Variants in CDON observed in about 807,000 individuals in gnomAD.
The protein encoded by CDON is cell adhesion molecule-related/down-regulated by oncogenes.
A neutral mutation model predicts 120.9 loss-of-function variants in CDON; 73 were observed. The observed-to-expected ratio is 0.60, with a 90% confidence interval of 0.50 to 0.73. The LOEUF is 0.73. Among genes scored for constraint, CDON ranks in the 30% least tolerant of loss-of-function variants. CDON has a pLI of 0.00. For missense variants in CDON, 1,470 were observed against 1,587.3 expected (o/e 0.93, Z 1.26); for synonymous variants, 566 against 573.5 (o/e 0.99, Z 0.19).
intron 18 of CDON, among the ~76,000 whole-genome samples, chr11:125,974,150 C>T (rs1438711306): frequency 6.6e-6 from 1 of 152,068 alleles, no homozygotes; most frequent in Non-Finnish European, 1.5e-5. Context: ...CCCGCCATAG[C>T]CTCCCAAAGT....
At position 126,010,444 on chromosome 11, in the gene CDON, G is replaced by T. The variant is rs777704059; in HGVS notation, c.1449C>A (p.Ser483Arg). The T allele has an allele frequency of 1.2e-6, 2 of 1,614,016 alleles. No individual in the cohort carries two copies. Among genetic ancestry groups the T allele is most frequent in the South Asian group, 1.1e-5 (1 of 91,082 alleles). Reference protein sequence around the residue: ...VYFVLSQAGASSLHIQAVTQE... With the variant: ...VYFVLSQAGARSLHIQAVTQE... Reference sequence around the variant, plus strand: ...GAGTCACAGCCTGAATATGGAGAGAGCTTGCACCAGCTTGGGACAGGACGA... The same window carrying T: ...GAGTCACAGCCTGAATATGGAGAGATCTTGCACCAGCTTGGGACAGGACGA... The change falls in exon 8 of 20, where the codon AGC becomes AGA. Residue 483 changes from serine to arginine, a missense_variant. Transcript: ENST00000531738.
chr11:126,023,360 G>A (rs747271484), intron 2 of CDON, 41 bp downstream of exon 2: 1 of 1,185,044 alleles, frequency 8.4e-7, no homozygotes, highest in Non-Finnish European at 1.3e-6. Flanking sequence ...GGATTAAGAT[G>A]AGTAAAGGCC....
intron 18 of CDON, among the ~76,000 whole-genome samples, chr11:125,973,304 G>A (rs1026968200): frequency 5.3e-5 from 8 of 152,168 alleles, no homozygotes; most frequent in South Asian, 4.2e-4. Flanking sequence ...AGGCCAAGAC[G>A]GGTGGATCAT....
intron 1 of CDON, among the ~76,000 whole-genome samples, chr11:126,032,825 TAGGG>T (rs766672945): frequency 6.6e-6 from 1 of 152,092 alleles, no homozygotes; most frequent in Non-Finnish European, 1.5e-5. Context: ...CTGGGCAACA[TAGGG>T]AGATCCCATC....
intron 6 of CDON, among the ~76,000 whole-genome samples, chr11:126,016,640 C>A (rs886434266): frequency 6.6e-6 from 1 of 152,004 alleles, no homozygotes; most frequent in African/African-American, 2.4e-5. Flanking sequence ...GCCATATTGC[C>A]CAAGATAGTG....
At chr11:126,021,573 G>A in intron 2 of CDON, 53 bp from the exon 3 acceptor site, 1 of 1,440,484 alleles carries the variant, frequency 6.9e-7, no homozygotes, top group East Asian at 2.3e-5. Context: ...AAAGAGGAGA[G>A]AGAAAGAAGA....
Position 125,960,573 on chromosome 11 carries a change from CG to C in CDON, c.*368del. ...AAACCCAGCTGGTGGCAACCTTCAACGGGCCCCTGCATTCCCTCCTAGCCGA... is the reference window on the plus strand; with the variant it reads ...AAACCCAGCTGGTGGCAACCTTCAACGGCCCCTGCATTCCCTCCTAGCCGA... On this transcript the variant is annotated 3_prime_UTR_variant, in exon 20 of 20. Coordinates refer to ENST00000531738, the MANE Select transcript of CDON (RefSeq NM_001378964.1). 4.1e-6 allele frequency: 1 copy of C among 244,874 alleles called. No homozygotes were observed. Among genetic ancestry groups the C allele is most frequent in the Non-Finnish European group, 7.9e-6 (1 of 125,944 alleles). The allele number at this position is 244,874 out of a possible 1,614,324, so 15.2% of individuals were successfully genotyped here. A position where few individuals can be genotyped will look rare whatever the true frequency, so the allele number is the denominator to read the frequency against.
intron 14 of CDON, among the ~76,000 whole-genome samples, chr11:125,993,575 A>G (rs1946695088): frequency 6.6e-6 from 1 of 152,204 alleles, no homozygotes; most frequent in African/African-American, 2.4e-5. Flanking sequence ...TTGACTGTCA[A>G]ACATTTTGAA....
At chr11:126,042,049 T>C (rs2134841479) in intron 1 of CDON, among the ~76,000 whole-genome samples, 1 of 152,258 alleles carries the variant, frequency 6.6e-6, no homozygotes, top group East Asian at 1.9e-4. Context: ...CACGCCCAGC[T>C]AATTTTGTAT....
intron 9 of CDON, chr11:126,004,468 G>A (rs1295254974): frequency 4.3e-5 from 9 of 210,992 alleles, no homozygotes; most frequent in South Asian, 7.2e-5. Flanking sequence ...ATAGATACAT[G>A]GTAAATTAAG....
intron 18 of CDON, among the ~76,000 whole-genome samples, chr11:125,967,254 T>A (rs1301151964): frequency 6.6e-6 from 1 of 152,222 alleles, no homozygotes; most frequent in African/African-American, 2.4e-5. Flanking sequence ...AAGTCCTAAT[T>A]CACATTAAAC....
rs1304141422 is a variant in CDON, at chr11:125,959,444, T to C, written c.*1498A>G. 6.6e-6 allele frequency: 1 copy of C among 152,182 alleles called. No homozygotes were observed. The highest frequency in any genetic ancestry group is 1.5e-5 in the Non-Finnish European group (1 of 68,032). 9.4% of individuals were successfully genotyped at this position (152,182 alleles called of 1,614,324 possible). A position where few individuals can be genotyped will look rare whatever the true frequency, so the allele number is the denominator to read the frequency against. ...CACTTACATAATTATTGTTTTTTAA[T>C]GTGAAGAGCCTTCCAAAGGCAGCTG... On this transcript the variant is annotated 3_prime_UTR_variant, in exon 20 of 20. Transcript: ENST00000531738.
At position 125,990,919 on chromosome 11, in the gene CDON, AC is replaced by A. The variant is rs1333078103; in HGVS notation, c.2651-1161del. ...CGCCCCATTTATAAATGTAAAAAGGACCCCCCAAAAGATGTTGACTCCAAAA... is the reference window on the plus strand; with the variant it reads ...CGCCCCATTTATAAATGTAAAAAGGACCCCCAAAAGATGTTGACTCCAAAA... On this transcript the variant is annotated intron_variant, in intron 14 of 19. Coordinates refer to ENST00000531738, the MANE Select transcript of CDON (RefSeq NM_001378964.1). 3.3e-5 allele frequency among the ~76,000 whole-genome samples: 5 copies of A among 152,090 alleles called. No individual in the cohort carries two copies. In the East Asian group the frequency reaches 9.7e-4, roughly 29 times the overall value.
chr11:126,046,484 G>A (rs980427613), intron 1 of CDON, among the ~76,000 whole-genome samples: 10 of 149,016 alleles, frequency 6.7e-5, no homozygotes, highest in Non-Finnish European at 1.3e-4. Context: ...AAAAGAATGA[G>A]ATTCTCGAGA....
chr11:126,018,573 T>A lies in CDON; in HGVS notation c.497-100A>T, dbSNP rs1947538809. 3.8e-6 allele frequency: 4 copies of A among 1,052,230 alleles called. No homozygotes were observed. In the South Asian group the frequency reaches 3.9e-5, roughly 10 times the overall value. The allele number at this position is 1,052,230 out of a possible 1,614,324, so 65.2% of individuals were successfully genotyped here. On this transcript the variant is annotated intron_variant, in intron 4 of 19. Coordinates refer to ENST00000531738, the MANE Select transcript of CDON (RefSeq NM_001378964.1). ...GCTGATCATTATGCTCTATTCCATCTTATTTTATTTTAGAGATGGGGGTCT... is the reference window on the plus strand; with the variant it reads ...GCTGATCATTATGCTCTATTCCATCATATTTTATTTTAGAGATGGGGGTCT...
At chr11:126,043,885 G>A (rs1380079867) in intron 1 of CDON, among the ~76,000 whole-genome samples, 4 of 152,212 alleles carry the variant, frequency 2.6e-5, no homozygotes, top group Non-Finnish European at 5.9e-5. Flanking sequence ...AGGTCACTGT[G>A]GTTATGCATT....
intron 16 of CDON, among the ~76,000 whole-genome samples, chr11:125,982,346 A>G (rs1946337010): frequency 2.0e-5 from 3 of 152,226 alleles, no homozygotes; most frequent in Non-Finnish European, 4.4e-5. Flanking sequence ...TCTACCAGAT[A>G]TATTTAGAAA....
intron 18 of CDON, among the ~76,000 whole-genome samples, chr11:125,975,481 C>T (rs114237178): frequency 0.41 from 62,111 of 151,964 alleles, 12,896 homozygotes; most frequent in African/African-American, 0.47. Context: ...TAAACCTTCA[C>T]ATTCAGGGTT....
intron 18 of CDON, among the ~76,000 whole-genome samples, chr11:125,974,925 T>G (rs1237700306): frequency 2.1e-5 from 3 of 145,782 alleles, no homozygotes; most frequent in African/African-American, 7.6e-5. Flanking sequence ...TAGATCCCTG[T>G]CAGTCAATGG....
Sources: allele counts gnomAD v4.1 joint callset (sites outside exome capture counted in the v4.1 genomes callset), GRCh38; gene constraint gnomAD v4.1.1; transcripts MANE v1.5; gene names NCBI Gene and HGNC (gene_info 2026-07-23, HGNC 2026-07-21).